The following SAMD3 variants were observed in gnomAD, a reference collection of about 807,000 sequenced individuals.
SAMD3 encodes sterile alpha motif domain-containing protein 3.
SAMD3 carries 63 observed loss-of-function variants against 58.5 expected under a neutral mutation model. That is an observed-to-expected ratio of 1.08 (90% CI 0.88 to 1.33). The LOEUF (loss-of-function observed/expected upper bound fraction) is 1.33, where lower values mean the gene tolerates loss of function less well. Ranked by LOEUF, SAMD3 falls within the 40% of genes most tolerant of loss-of-function variation. The probability of loss-of-function intolerance (pLI) is 0.00; values close to 1 mark genes in which losing one functional copy is unlikely to be tolerated. For synonymous variants in SAMD3, 220 were observed against 210.3 expected (o/e 1.05, Z -0.40); for missense variants, 604 against 608.4 (o/e 0.99, Z 0.08).
intron 1 of SAMD3, among the ~76,000 whole-genome samples, chr6:130,354,993 A>C (rs546899065): frequency 6.6e-6 from 1 of 152,350 alleles, no homozygotes; most frequent in South Asian, 2.1e-4. Flanking sequence ...TTAAAAATGC[A>C]GAAAAAGTTT....
chr6:130,145,549 A>AATG (rs1215013492), intron 10 of SAMD3, 127 bp from the exon 11 acceptor site: 1 of 581,092 alleles, frequency 1.7e-6, no homozygotes, highest in Non-Finnish European at 3.1e-6. Context: ...TTCTTAGATC[A>AATG]ATGTTTCACA....
chr6:130,175,827 G>A lies in SAMD3; in HGVS notation c.822+14C>T, dbSNP rs771765789. The A allele has an allele frequency of 6.4e-7, 1 of 1,551,312 alleles. No individual in the cohort carries two copies. The highest frequency in any genetic ancestry group is 8.9e-7 in the Non-Finnish European group (1 of 1,126,484). ...TCTATCAAGTCATCAGAACATTTAG[G>A]AATTCAATCTTACTTTTATCTGGAC... On this transcript the variant is annotated intron_variant, in intron 8 of 11. Coordinates refer to ENST00000439090, the MANE Select transcript of SAMD3 (RefSeq NM_001017373.4).
At chr6:130,326,417 T>C (rs896014852) in intron 1 of SAMD3, among the ~76,000 whole-genome samples, 5 of 149,480 alleles carry the variant, frequency 3.3e-5, no homozygotes, top group African/African-American at 5.0e-5. Flanking sequence ...GCTGAGCCAA[T>C]GTGACGTATT....
At chr6:130,148,780 A>G (rs1932108) in intron 9 of SAMD3, among the ~76,000 whole-genome samples, 148,135 of 152,154 alleles carry the variant, frequency 0.97, 72,238 homozygotes, top group East Asian at 1. Context: ...GCTGAGGTAG[A>G]AGGATCACCT....
chr6:130,350,284 C>A (rs986654649), intron 1 of SAMD3, among the ~76,000 whole-genome samples: 9 of 152,126 alleles, frequency 5.9e-5, no homozygotes, highest in African/African-American at 4.8e-5. Flanking sequence ...GTCAAATTGT[C>A]CCTGTTTGCA....
chr6:130,361,779 G>T, intron 1 of SAMD3, among the ~76,000 whole-genome samples: 1 of 152,206 alleles, frequency 6.6e-6, no homozygotes, highest in East Asian at 1.9e-4. Context: ...TTTTCACAGT[G>T]TCTGAGAATG....
intron 1 of SAMD3, among the ~76,000 whole-genome samples, chr6:130,354,876 T>G (rs1033412216): frequency 2.6e-5 from 4 of 152,136 alleles, no homozygotes; most frequent in African/African-American, 9.7e-5. Context: ...TTTGAAGAGA[T>G]AGCAGAGCCT....
chr6:130,171,805 G>C (rs909564760), intron 8 of SAMD3, among the ~76,000 whole-genome samples: 2 of 152,118 alleles, frequency 1.3e-5, no homozygotes, highest in South Asian at 4.2e-4. Context: ...ATTGACAGTG[G>C]GGTGTTAAAG....
At chr6:130,308,828 A>G (rs980971869) in intron 2 of SAMD3, among the ~76,000 whole-genome samples, 1 of 152,182 alleles carries the variant, frequency 6.6e-6, no homozygotes, top group African/African-American at 2.4e-5. Flanking sequence ...TTTCATATGT[A>G]AAATACCAAA....
rs574367414 is a variant in SAMD3 at position 130,306,370 on chromosome 6, A to G, written c.-188+6608T>C. Among the ~76,000 whole-genome samples the G allele has an allele frequency of 1.1e-4, 16 of 152,302 alleles. 1 individual carries two copies. The East Asian group carries it at 2.1e-3, about 20-fold the overall frequency. ...CAAAAAAGGAAAGATTAATTACCCA[A>G]TGAAGGTAAATGAGGGTTAGAGAAG... On this transcript the variant is annotated intron_variant, in intron 2 of 13. Coordinates refer to the SAMD3 transcript ENST00000368134.
At chr6:130,346,064 T>G (rs1307876029) in intron 1 of SAMD3, among the ~76,000 whole-genome samples, 1 of 152,226 alleles carries the variant, frequency 6.6e-6, no homozygotes, top group Admixed American at 6.5e-5. Context: ...AAGAAAAACT[T>G]GATTAAAAAT....
In SAMD3 at chr6:130,168,672, A is replaced by G. The variant is rs551774323; in HGVS notation, c.822+7169T>C. 3.3e-5 allele frequency among the ~76,000 whole-genome samples: 5 copies of G among 152,226 alleles called. No homozygotes were observed. The South Asian group carries it at 6.2e-4, about 19-fold the overall frequency. On this transcript the variant is annotated intron_variant, in intron 8 of 11. Coordinates refer to ENST00000439090, the MANE Select transcript of SAMD3 (RefSeq NM_001017373.4). ...ACTCCTGTGTCTTGCCTGCATCAAC[A>G]TTTTCGATCTCTGCAGCATAGGAAA...
At chr6:130,322,919 ACT>A (rs1776633215) in intron 1 of SAMD3, among the ~76,000 whole-genome samples, 1 of 152,020 alleles carries the variant, frequency 6.6e-6, no homozygotes, top group Non-Finnish European at 1.5e-5. Flanking sequence ...AATAGGCTTG[ACT>A]CTCAAGCCAC....
chr6:130,293,788 G>A (rs1343392911), intron 2 of SAMD3, among the ~76,000 whole-genome samples: 1 of 151,698 alleles, frequency 6.6e-6, no homozygotes, highest in East Asian at 1.9e-4. Flanking sequence ...CTGAAAACTT[G>A]TTTTTAGTGC....
intron 2 of SAMD3, among the ~76,000 whole-genome samples, chr6:130,262,913 A>G (rs1321267492): frequency 6.6e-6 from 1 of 152,216 alleles, no homozygotes; most frequent in Non-Finnish European, 1.5e-5. Flanking sequence ...ATAAAAATAA[A>G]AGCATAACAG....
chr6:130,330,371 T>C (rs1006686854), intron 1 of SAMD3, among the ~76,000 whole-genome samples: 3 of 152,244 alleles, frequency 2.0e-5, no homozygotes, highest in African/African-American at 7.2e-5. Flanking sequence ...AAATAGCCTA[T>C]ATGAATTTCT....
At chr6:130,267,482 TGA>T (rs1458950478) in intron 2 of SAMD3, among the ~76,000 whole-genome samples, 4 of 152,104 alleles carry the variant, frequency 2.6e-5, no homozygotes. Flanking sequence ...TAATAAAAAG[TGA>T]GAGTCTCAAA....
At chr6:130,349,428 C>A (rs184635458) in intron 1 of SAMD3, among the ~76,000 whole-genome samples, 64 of 152,272 alleles carry the variant, frequency 4.2e-4, no homozygotes, top group African/African-American at 1.4e-3. Flanking sequence ...TACAAACTAC[C>A]ATCAGAGAAT....
chr6:130,236,529 G>A (rs936826484), intron 2 of SAMD3, among the ~76,000 whole-genome samples: 9 of 151,914 alleles, frequency 5.9e-5, no homozygotes, highest in Non-Finnish European at 1.2e-4. Flanking sequence ...GATTACAGGC[G>A]CCCACCACCG....
Sources: allele counts gnomAD v4.1 joint callset (sites outside exome capture counted in the v4.1 genomes callset), GRCh38; gene constraint gnomAD v4.1.1; transcripts MANE v1.5; gene names NCBI Gene and HGNC (gene_info 2026-07-23, HGNC 2026-07-21).